SH3BP2: variants seen among roughly 807,000 people sequenced by gnomAD.
SH3BP2 encodes SH3 domain binding protein 2.
SH3BP2 carries 38 observed loss-of-function variants against 56.2 expected under a neutral mutation model. The observed-to-expected ratio is 0.68, with a 90% CI of 0.52 to 0.89. The LOEUF (loss-of-function observed/expected upper bound fraction) is 0.89, where lower values mean the gene tolerates loss of function less well. Among genes scored for constraint, SH3BP2 ranks in the 40% least tolerant of loss-of-function variants. The pLI is 0.00. For synonymous variants in SH3BP2, 346 were observed against 316.7 expected (o/e 1.09, Z -0.98); for missense variants, 748 against 762.6 (o/e 0.98, Z 0.23).
At chr4:2,814,934 C>T (rs866155591) in intron 1 of SH3BP2, 1 of 152,244 alleles carries the variant, frequency 6.6e-6, no homozygotes, top group Admixed American at 6.5e-5. Context: ...CTGTGGAGTC[C>T]CCTGGAATGA....
intron 1 of SH3BP2, chr4:2,818,274 C>T (rs1724097202): frequency 9.8e-7 from 1 of 1,019,042 alleles, no homozygotes; most frequent in Non-Finnish European, 1.2e-6. Flanking sequence ...GGGAGGCGGG[C>T]GCCCGGGACG....
At position 2,829,186 on chromosome 4, in the gene SH3BP2, CTTCTCTTCCT is replaced by C. The variant is rs1467502055; in HGVS notation, c.587-295_587-286del. ...AGCCGAGCCCTGAGATCCTTCTTGA[CTTCTCTTCCT>C]TTCTCTTCCTTCCACCTCTGGGAAC... is the stretch of plus-strand genomic sequence containing the variant. On this transcript the variant is annotated intron_variant, in intron 7 of 12. Coordinates refer to ENST00000503393, the MANE Select transcript of SH3BP2 (RefSeq NM_001122681.2). The surrounding 1 kb of genome is among the most constrained non-coding windows in gnomAD (Gnocchi z 4.9). 2.6e-5 allele frequency among the ~76,000 whole-genome samples: 4 copies of C among 152,216 alleles called. No homozygotes were observed. Among genetic ancestry groups the C allele is most frequent in the Admixed American group, 6.5e-5 (1 of 15,286 alleles).
At chr4:2,826,663 G>A in intron 5 of SH3BP2, 2 of 333,992 alleles carry the variant, frequency 6.0e-6, no homozygotes, top group Non-Finnish European at 5.7e-6. Context: ...TCCACGTGTT[G>A]CTCTGTGTGT....
In SH3BP2 at chr4:2,839,176, T is replaced by G. The variant is rs1219551533; in HGVS notation, c.*5342T>G. 6.7e-6 allele frequency: 1 copy of G among 149,640 alleles called. No homozygotes were observed. Among genetic ancestry groups the G allele is most frequent in the Non-Finnish European group, 1.5e-5 (1 of 67,252 alleles). 9.3% of individuals were successfully genotyped at this position (149,640 alleles called of 1,614,324 possible). A position where few individuals can be genotyped will look rare whatever the true frequency, so the allele number is the denominator to read the frequency against. On this transcript the variant is annotated 3_prime_UTR_variant, in exon 13 of 13. Transcript: ENST00000503393. Reference sequence around the variant, plus strand: ...TGTTGTCTTTTTCTTTTTCTTTTCTTTTTTTTTTTTTCTGAGACAGGGTCT... The same window carrying G: ...TGTTGTCTTTTTCTTTTTCTTTTCTGTTTTTTTTTTTCTGAGACAGGGTCT...
At position 2,837,993 on chromosome 4, in the gene SH3BP2, T is replaced by C. The variant is rs1725293112; in HGVS notation, c.*4159T>C. On this transcript the variant is annotated 3_prime_UTR_variant, in exon 13 of 13. Transcript: ENST00000503393. ...GCAGACCCCTACCTGTCTACCCTCC[T>C]TCGGACCCCTAGGAAGCTTCGCAGG... 1 of 152,242 alleles carries C rather than the reference T, an allele frequency of 6.6e-6. No individual in the cohort carries two copies. 9.4% of individuals were successfully genotyped at this position (152,242 alleles called of 1,614,324 possible). A position where few individuals can be genotyped will look rare whatever the true frequency, so the allele number is the denominator to read the frequency against.
At chr4:2,800,548 C>T (rs1723225679) in intron 1 of SH3BP2, among the ~76,000 whole-genome samples, 1 of 60,968 alleles carries the variant, frequency 1.6e-5, no homozygotes, top group African/African-American at 1.1e-4. Flanking sequence ...GTCCTGTGAC[C>T]GCCCCCCCCC....
intron 1 of SH3BP2, among the ~76,000 whole-genome samples, chr4:2,807,962 T>C (rs1365135155): frequency 6.6e-6 from 1 of 152,176 alleles, no homozygotes; most frequent in Non-Finnish European, 1.5e-5. Flanking sequence ...TGTCTCTCCC[T>C]GACAGGCACG....
Position 2,825,177 on chromosome 4 carries a change from G to A in SH3BP2, c.409G>A (p.Asp137Asn). 6.3e-7 allele frequency: 1 copy of A among 1,583,518 alleles called. No homozygotes were observed. Among genetic ancestry groups the A allele is most frequent in the Non-Finnish European group, 8.6e-7 (1 of 1,164,748 alleles). ...GATTGGCCACTTCCACGAAAAGAAAGACCTGCCCTTGGACACCAGGTGAGC... is the reference window on the plus strand; with the variant it reads ...GATTGGCCACTTCCACGAAAAGAAAAACCTGCCCTTGGACACCAGGTGAGC... The part of the protein sequence containing the change: ...REIGHFHEKK[D>N]LPLDTSDSSS... Residue 137 changes from aspartate to asparagine, a missense_variant, in exon 5 of 13, where the codon GAC becomes AAC. By Grantham distance (23) the Asp-to-Asn change is conservative. Coordinates refer to ENST00000503393, the MANE Select transcript of SH3BP2 (RefSeq NM_001122681.2).
chr4:2,807,073 C>T (rs541259212), intron 1 of SH3BP2, among the ~76,000 whole-genome samples: 10 of 152,374 alleles, frequency 6.6e-5, no homozygotes, highest in South Asian at 2.1e-4. Flanking sequence ...CTCTGAGCCC[C>T]GAACACACTG....
chr4:2,796,487 T>C, intron 1 of SH3BP2: 8 of 982,688 alleles, frequency 8.1e-6, no homozygotes, highest in Non-Finnish European at 8.5e-6. Context: ...ACTGGCCCTT[T>C]CTTCATGGAT....
chr4:2,833,762 C>T lies in SH3BP2; in HGVS notation c.1614C>T (p.Tyr538=). ...GTGTGGGCAGCATGGTGGAGCACTA[C>T]CACACCCACGTGCTGCCCAGCCACC... ...FVSVGSMVEH[Y]HTHVLPSHQS... is the part of the protein sequence containing the mutation. The change falls in exon 13 of 13, where the codon TAC becomes TAT. Residue 538 remains tyrosine (Y), a synonymous_variant. Transcript: ENST00000503393. 2 of 1,603,846 alleles carry T rather than the reference C, an allele frequency of 1.2e-6. No homozygotes were observed. Among genetic ancestry groups the T allele is most frequent in the Non-Finnish European group, 1.7e-6 (2 of 1,175,496 alleles).
At chr4:2,818,353 G>A (rs546492024) in intron 1 of SH3BP2, 30 of 1,178,696 alleles carry the variant, frequency 2.5e-5, no homozygotes, top group African/African-American at 3.2e-5. Flanking sequence ...GGCGTGGATC[G>A]CCCCGGGGAA....
chr4:2,831,725 C>T lies in SH3BP2; in HGVS notation c.1350+46C>T, dbSNP rs1252597754. 1 of 1,501,254 alleles carries T rather than the reference C, an allele frequency of 6.7e-7. No individual in the cohort carries two copies. Among genetic ancestry groups the T allele is most frequent in the Non-Finnish European group, 9.1e-7 (1 of 1,095,382 alleles). The allele number at this position is 1,501,254 out of a possible 1,614,324, so 93.0% of individuals were successfully genotyped here. On this transcript the variant is annotated intron_variant, in intron 9 of 12. Transcript: ENST00000503393. This position sits in a 1 kb window ranked among gnomAD's most constrained non-coding sequence, Gnocchi z 4.1. The stretch of plus-strand genomic sequence containing the variant: ...TGGGTCCCAGTGGCCAGTAGGTGGA[C>T]AGGTGGTGGGAAAGCCATAGGCCAG...
intron 7 of SH3BP2, among the ~76,000 whole-genome samples, chr4:2,828,146 C>T (rs1393216757): frequency 6.6e-6 from 1 of 151,966 alleles, no homozygotes; most frequent in Admixed American, 6.5e-5. Context: ...ACGTGGATGA[C>T]GGAAGCACGA....
intron 2 of SH3BP2, 127 bp from the exon 3 acceptor site, chr4:2,822,808 G>A (rs946773505): frequency 5.4e-6 from 4 of 745,086 alleles, no homozygotes; most frequent in East Asian, 2.7e-5. Context: ...CTTGCTCCCT[G>A]CTCTTCCATT....
rs757391759 is a variant in SH3BP2 at position 2,827,600 on chromosome 4, A to G, written c.518-6A>G. 20 of 1,585,806 alleles carry G rather than the reference A, an allele frequency of 1.3e-5. No individual in the cohort carries two copies. In the South Asian group the frequency reaches 2.1e-4, roughly 16 times the overall value. On this transcript the variant is annotated splice_region_variant and splice_polypyrimidine_tract_variant and intron_variant, in intron 6 of 12. Coordinates refer to ENST00000503393, the MANE Select transcript of SH3BP2 (RefSeq NM_001122681.2). ...TGGCTCTCACCACCCCCCTCTCCCC[A>G]TGCAGACTATGAGCACGACGATGAG...
At chr4:2,808,158 G>C (rs1445533817) in intron 1 of SH3BP2, among the ~76,000 whole-genome samples, 4 of 152,204 alleles carry the variant, frequency 2.6e-5, no homozygotes, top group African/African-American at 9.7e-5. Context: ...GGGGTCTACA[G>C]GGCTGTGTTG....
chr4:2,826,680 GTCC>G lies in SH3BP2; in HGVS notation c.429-547_429-545del, dbSNP rs1483232227. ...CACGTGTTGCTCTGTGTGTGTGCAT[GTCC>G]TCATGTTGCTCTGTGTGTGTGTGCA... On this transcript the variant is annotated intron_variant, in intron 5 of 12. Coordinates refer to ENST00000503393, the MANE Select transcript of SH3BP2 (RefSeq NM_001122681.2). 3.2e-4 allele frequency: 114 copies of G among 350,812 alleles called. 3 individuals are homozygous for G. The East Asian group carries it at 8.3e-3, about 26-fold the overall frequency. 21.7% of individuals were successfully genotyped at this position (350,812 alleles called of 1,614,324 possible).
chr4:2,798,022 C>T (rs1723117251), intron 1 of SH3BP2, among the ~76,000 whole-genome samples: 1 of 152,198 alleles, frequency 6.6e-6, no homozygotes, highest in Admixed American at 6.5e-5. Flanking sequence ...CTTTGGTCTC[C>T]CACGAAACTC....
Sources: gnomAD v4.1 joint callset for allele counts (sites outside exome capture counted in the v4.1 genomes callset) on GRCh38, gnomAD v4.1.1 for gene constraint, Gnocchi (gnomAD v3.1) non-coding constraint, MANE v1.5 for transcripts, NCBI Gene and HGNC (gene_info 2026-07-23, HGNC 2026-07-21) for gene names.